The following XIRP2 variants were observed in gnomAD, a reference collection of about 807,000 sequenced individuals.
XIRP2 encodes xin actin-binding repeat-containing protein 2.
XIRP2 carries 236 observed loss-of-function variants against 277.0 expected under a neutral mutation model. The ratio of observed to expected loss-of-function variants is 0.85; its 90% CI spans 0.77 to 0.95. The LOEUF is 0.95. Ranked by LOEUF, XIRP2 falls within the 40% of genes least tolerant of loss-of-function variation. The pLI is 0.00. For synonymous variants in XIRP2, 1,490 were observed against 1,416.5 expected, an observed-to-expected ratio of 1.05 and a Z score of -1.17; for missense variants, 4,640 against 4,157.5, an observed-to-expected ratio of 1.12 and a Z score of -3.19.
chr2:166,951,803 T>C (rs1310613698), intron 2 of XIRP2, among the ~76,000 whole-genome samples: 2 of 152,040 alleles, frequency 1.3e-5, no homozygotes. Flanking sequence ...AAGCTTCAGC[T>C]ACACTGAAAC....
intron 2 of XIRP2, among the ~76,000 whole-genome samples, chr2:167,111,304 A>G (rs1014518589): frequency 1.3e-5 from 2 of 152,138 alleles, no homozygotes; most frequent in Non-Finnish European, 2.9e-5. Flanking sequence ...AATGTGGGCC[A>G]TAGGTTTGTC....
chr2:167,026,929 C>T (rs1034907806), intron 2 of XIRP2, among the ~76,000 whole-genome samples: 4 of 152,020 alleles, frequency 2.6e-5, no homozygotes, highest in Non-Finnish European at 5.9e-5. Flanking sequence ...CTCTGGCTGC[C>T]CTTAACATTT....
intron 3 of XIRP2, among the ~76,000 whole-genome samples, chr2:167,183,499 T>G (rs1315986462): frequency 1.3e-5 from 2 of 152,196 alleles, no homozygotes. Flanking sequence ...GATTAAAAGT[T>G]TTGTATTTTG....
intron 2 of XIRP2, among the ~76,000 whole-genome samples, chr2:167,116,471 T>G (rs1690898537): frequency 6.6e-6 from 1 of 152,202 alleles, no homozygotes; most frequent in East Asian, 1.9e-4. Flanking sequence ...TTTCTTTTGA[T>G]AAAAGTTTAT....
intron 3 of XIRP2, chr2:167,184,632 C>T (rs78907392): frequency 2.8e-6 from 2 of 717,062 alleles, no homozygotes; most frequent in Non-Finnish European, 5.2e-6. Context: ...AAATCCTCAA[C>T]TTATATTTGT....
rs868309887 is a variant in XIRP2 at position 167,092,175 on chromosome 2, G to A, written c.409-43734G>A. ...ATTCCTGGAAGTAAATTCCGAATTA[G>A]TTCATCTTTGTCATAGCCCATTCTA... is the stretch of plus-strand genomic sequence containing the variant. On this transcript the variant is annotated intron_variant, in intron 2 of 10. Transcript: ENST00000409195. Among the ~76,000 whole-genome samples the A allele has an allele frequency of 1.3e-5, 2 of 152,192 alleles. 1 individual carries two copies. Among genetic ancestry groups the A allele is most frequent in the Middle Eastern group, 6.8e-3 (2 of 294 alleles).
chr2:167,094,769 C>CT (rs1690248289), intron 2 of XIRP2, among the ~76,000 whole-genome samples: 3 of 152,128 alleles, frequency 2.0e-5, no homozygotes, highest in African/African-American at 7.2e-5. Flanking sequence ...CAGCTTTATT[C>CT]TTTTTGCTTA....
chr2:167,050,581 C>T (rs137878194), intron 2 of XIRP2, among the ~76,000 whole-genome samples: 22 of 151,896 alleles, frequency 1.4e-4, no homozygotes, highest in African/African-American at 4.1e-4. Flanking sequence ...TGGCAGTCTA[C>T]GGGAAGAGAA....
At position 167,251,441 on chromosome 2, in the gene XIRP2, C is replaced by G; in HGVS notation, c.10049C>G (p.Ser3350Ter). 1 of 1,613,430 alleles carries G rather than the reference C, an allele frequency of 6.2e-7. No individual in the cohort carries two copies. The highest frequency in any genetic ancestry group is 8.5e-7 in the Non-Finnish European group (1 of 1,179,652). Residue 3350 changes from serine to a stop codon, truncating the protein, a stop_gained, in exon 9 of 11, where the codon TCA becomes TGA. Coordinates refer to ENST00000409195, the MANE Select transcript of XIRP2 (RefSeq NM_152381.6). LOFTEE classifies it high-confidence loss of function. Reference sequence around the variant, plus strand: ...CATGGCCCAGTTTCTGAAGCAAAGTCAAATAGAAGAGTTTATGCAAAGGGA... The same window carrying G: ...CATGGCCCAGTTTCTGAAGCAAAGTGAAATAGAAGAGTTTATGCAAAGGGA... ...FEHGPVSEAK[S>*]NRRVYAKGET...
Position 167,250,457 on chromosome 2 carries a change from T to C in XIRP2, c.9065T>C (p.Met3022Thr). ...CATATTAAAACTCAAGCGGAAGATA[T>C]GCTTGTGTCCTATGAAAATATAATT... ...ITHIKTQAED[M>T]LVSYENIIQT... Residue 3022 changes from methionine (M) to threonine (T), a missense_variant, in exon 9 of 11, where the codon ATG (methionine) becomes ACG (threonine). Transcript: ENST00000409195. 3 of 1,613,356 alleles carry C rather than the reference T, an allele frequency of 1.9e-6. No homozygotes were observed. The highest frequency in any genetic ancestry group is 2.5e-6 in the Non-Finnish European group (3 of 1,179,660).
chr2:166,918,540 T>C (rs1425053804), intron 2 of XIRP2, among the ~76,000 whole-genome samples: 3 of 152,090 alleles, frequency 2.0e-5, no homozygotes, highest in Admixed American at 1.3e-4. Context: ...AATAGAAATA[T>C]TGAAGGAACA....
chr2:167,049,583 T>G (rs1476365577), intron 2 of XIRP2, among the ~76,000 whole-genome samples: 1 of 152,020 alleles, frequency 6.6e-6, no homozygotes, highest in African/African-American at 2.4e-5. Flanking sequence ...TTGAAATATT[T>G]TCATGGGTCC....
intron 2 of XIRP2, among the ~76,000 whole-genome samples, chr2:166,911,314 A>G (rs1328933730): frequency 1.3e-5 from 2 of 152,160 alleles, no homozygotes; most frequent in African/African-American, 4.8e-5. Flanking sequence ...GGGTGCATAT[A>G]TATTTAGAGT....
intron 10 of XIRP2, among the ~76,000 whole-genome samples, chr2:167,256,662 T>C (rs73012062): frequency 0.018 from 2,776 of 152,028 alleles, 53 homozygotes; most frequent in African/African-American, 0.046. Context: ...ACTTCATATA[T>C]TATTTACCTT....
intron 2 of XIRP2, among the ~76,000 whole-genome samples, chr2:167,010,502 G>C (rs529015066): frequency 3.9e-5 from 6 of 151,950 alleles, no homozygotes; most frequent in Non-Finnish European, 8.8e-5. Context: ...GTCAGGTAGC[G>C]TGATGCCTCC....
chr2:167,193,250 T>C (rs1693400517), intron 3 of XIRP2, among the ~76,000 whole-genome samples: 1 of 152,200 alleles, frequency 6.6e-6, no homozygotes, highest in African/African-American at 2.4e-5. Flanking sequence ...AAGCAATAAG[T>C]TGCCTCAAAC....
At chr2:167,142,961 G>A (rs974425870) in intron 3 of XIRP2, among the ~76,000 whole-genome samples, 5 of 151,986 alleles carry the variant, frequency 3.3e-5, no homozygotes, top group Non-Finnish European at 5.9e-5. Context: ...AAGGATGAAG[G>A]GAGAGAGAAA....
At chr2:167,098,048 G>T (rs1690371888) in intron 2 of XIRP2, among the ~76,000 whole-genome samples, 1 of 152,136 alleles carries the variant, frequency 6.6e-6, no homozygotes, top group Non-Finnish European at 1.5e-5. Flanking sequence ...TTCTCGAGGA[G>T]TATCTTTGTG....
intron 3 of XIRP2, among the ~76,000 whole-genome samples, chr2:167,200,770 G>A (rs1693660731): frequency 6.6e-6 from 1 of 152,046 alleles, no homozygotes; most frequent in South Asian, 2.1e-4. Flanking sequence ...ACCATGCCTA[G>A]CCGACAGTAG....
Sources: allele counts gnomAD v4.1 joint callset (sites outside exome capture counted in the v4.1 genomes callset), GRCh38; gene constraint gnomAD v4.1.1; transcripts MANE v1.5; gene names NCBI Gene and HGNC (gene_info 2026-07-23, HGNC 2026-07-21).